PTPRO: variants seen among roughly 807,000 people sequenced by gnomAD.
PTPRO encodes the protein receptor-type tyrosine-protein phosphatase O.
In PTPRO, 62 loss-of-function variants were observed where a neutral mutation model predicts 145.2. The observed-to-expected ratio is 0.43, with a 90% CI of 0.35 to 0.53. The LOEUF (loss-of-function observed/expected upper bound fraction) is 0.53. Among genes scored for constraint, PTPRO ranks in the 20% least tolerant of loss-of-function variants. PTPRO has a pLI of 0.01. For missense variants in PTPRO, 1,345 were observed against 1,482.7 expected (o/e 0.91, Z 1.53); for synonymous variants, 565 against 514.7 (o/e 1.10, Z -1.32).
intron 1 of PTPRO, among the ~76,000 whole-genome samples, chr12:15,408,084 G>T (rs948911184): frequency 6.6e-6 from 1 of 152,058 alleles, no homozygotes; most frequent in African/African-American, 2.4e-5. Context: ...TTCTAAGAAA[G>T]AATGTATATT....
At chr12:15,466,794 C>A (rs1269944146) in intron 1 of PTPRO, among the ~76,000 whole-genome samples, 1 of 152,178 alleles carries the variant, frequency 6.6e-6, no homozygotes. Flanking sequence ...GTTTCCACTA[C>A]AGCCAACTGC....
chr12:15,335,594 T>C (rs1419029187), intron 1 of PTPRO, among the ~76,000 whole-genome samples: 1 of 152,124 alleles, frequency 6.6e-6, no homozygotes, highest in African/African-American at 2.4e-5. Context: ...AATATGGAAA[T>C]TGTGGTATTG....
At chr12:15,467,512 C>T (rs1252094156) in intron 1 of PTPRO, among the ~76,000 whole-genome samples, 1 of 151,796 alleles carries the variant, frequency 6.6e-6, no homozygotes, top group African/African-American at 2.4e-5. Flanking sequence ...AGGGATATGC[C>T]TTCTAAATTC....
intron 16 of PTPRO, among the ~76,000 whole-genome samples, chr12:15,559,964 A>C (rs1278289293): frequency 6.6e-6 from 1 of 152,192 alleles, no homozygotes; most frequent in Non-Finnish European, 1.5e-5. Context: ...AAAGAAATAT[A>C]TCTGATTACA....
At chr12:15,464,887 A>G (rs1941384079) in intron 1 of PTPRO, among the ~76,000 whole-genome samples, 1 of 152,196 alleles carries the variant, frequency 6.6e-6, no homozygotes, top group Admixed American at 6.5e-5. Flanking sequence ...TGTCATTAGA[A>G]CTTGTACCAT....
intron 14 of PTPRO, among the ~76,000 whole-genome samples, chr12:15,550,573 T>C (rs543282352): frequency 6.6e-6 from 1 of 152,282 alleles, no homozygotes; most frequent in African/African-American, 2.4e-5. Flanking sequence ...ATGAGGCCCA[T>C]AGGGCAGATG....
chr12:15,451,353 T>C (rs754995876), intron 1 of PTPRO, among the ~76,000 whole-genome samples: 6 of 152,098 alleles, frequency 3.9e-5, no homozygotes, highest in Non-Finnish European at 8.8e-5. Flanking sequence ...AAACAATTGC[T>C]ACTAGACCTA....
intron 17 of PTPRO, among the ~76,000 whole-genome samples, chr12:15,561,104 G>A (rs756282822): frequency 4.6e-5 from 7 of 151,926 alleles, no homozygotes; most frequent in Admixed American, 6.6e-5. Context: ...CAGTTTCCAG[G>A]GGAACTGACA....
At chr12:15,410,062 A>G (rs932293431) in intron 1 of PTPRO, among the ~76,000 whole-genome samples, 1 of 152,208 alleles carries the variant, frequency 6.6e-6, no homozygotes, top group Non-Finnish European at 1.5e-5. Context: ...TATAACAAAG[A>G]GTTATTAGTT....
intron 5 of PTPRO, 35 bp from the exon 6 acceptor site, chr12:15,503,873 A>T (rs1452679067): frequency 1.3e-6 from 2 of 1,523,338 alleles, no homozygotes; most frequent in Non-Finnish European, 1.8e-6. Context: ...CCAGGTGTCT[A>T]TTCATGTATC....
chr12:15,352,478 A>G (rs768919070), intron 1 of PTPRO, among the ~76,000 whole-genome samples: 14 of 151,920 alleles, frequency 9.2e-5, no homozygotes, highest in East Asian at 1.9e-4. Flanking sequence ...GTGAAACCCC[A>G]TCTCTACTAA....
intron 1 of PTPRO, among the ~76,000 whole-genome samples, chr12:15,395,471 T>C (rs1397548052): frequency 2.6e-5 from 4 of 152,088 alleles, no homozygotes; most frequent in Non-Finnish European, 4.4e-5. Flanking sequence ...GATTCTTCTT[T>C]ATCCCAAAAG....
chr12:15,401,888 C>A (rs1251328007), intron 1 of PTPRO, among the ~76,000 whole-genome samples: 3 of 152,166 alleles, frequency 2.0e-5, no homozygotes, highest in Admixed American at 6.5e-5. Context: ...TGCATCTCAT[C>A]ATTTCATTGA....
chr12:15,366,615 A>G (rs769543297), intron 1 of PTPRO, among the ~76,000 whole-genome samples: 5 of 152,288 alleles, frequency 3.3e-5, no homozygotes, highest in Non-Finnish European at 7.4e-5. Context: ...TATAGTTGAG[A>G]TAATATCTAA....
chr12:15,448,339 T>TAAAAAAAAAAAAAAAAAAAA (rs56136736), intron 1 of PTPRO, among the ~76,000 whole-genome samples: 775 of 45,036 alleles, frequency 0.017, 323 homozygotes, highest in Non-Finnish European at 0.027. Context: ...CTGTTCCTAG[T>TAAAAAAAAAAAAAAAAAAAA]AAAAAAAAAA....
chr12:15,343,452 C>G (rs1222737592), intron 1 of PTPRO, among the ~76,000 whole-genome samples: 1 of 151,938 alleles, frequency 6.6e-6, no homozygotes, highest in African/African-American at 2.4e-5. Flanking sequence ...TTTGGGAGGC[C>G]AAGGCGGGAG....
At chr12:15,328,058 G>A (rs1303420767) in intron 1 of PTPRO, among the ~76,000 whole-genome samples, 1 of 151,252 alleles carries the variant, frequency 6.6e-6, no homozygotes, top group Non-Finnish European at 1.5e-5. Context: ...AGGTTGCAGT[G>A]AGCAAAGATC....
At chr12:15,341,798 A>G (rs1866997809) in intron 1 of PTPRO, among the ~76,000 whole-genome samples, 1 of 152,212 alleles carries the variant, frequency 6.6e-6, no homozygotes, top group Non-Finnish European at 1.5e-5. Flanking sequence ...AAACAAAACA[A>G]AAAGGTCGTA....
chr12:15,509,879 T>G (rs1942403750), intron 7 of PTPRO, among the ~76,000 whole-genome samples: 1 of 151,948 alleles, frequency 6.6e-6, no homozygotes, highest in Admixed American at 6.6e-5. Context: ...GAACAAACCC[T>G]AGTGAAACTG....
Sources: gnomAD v4.1 joint callset for allele counts (sites outside exome capture counted in the v4.1 genomes callset) on GRCh38, gnomAD v4.1.1 for gene constraint, MANE v1.5 for transcripts, NCBI Gene and HGNC (gene_info 2026-07-23, HGNC 2026-07-21) for gene names.